The following KDM5A variants were observed in gnomAD, a reference collection of about 807,000 sequenced individuals.
The protein encoded by KDM5A is lysine demethylase 5A.
In KDM5A, 42 loss-of-function variants were observed where a neutral mutation model predicts 193.5. The observed-to-expected ratio is 0.22, with a 90% CI of 0.17 to 0.28. The LOEUF is 0.28. KDM5A is among the 10% of genes least tolerant of loss of function. The pLI is 1.00. For missense variants in KDM5A, 1,692 were observed against 2,055.1 expected, an observed-to-expected ratio of 0.82 and a Z score of 3.42; for synonymous variants, 796 against 718.1, an observed-to-expected ratio of 1.11 and a Z score of -1.73.
rs191291303 is a variant in KDM5A, at chr12:357,269, G to C, written c.673-732C>G. On this transcript the variant is annotated intron_variant, in intron 5 of 27. Transcript: ENST00000399788. ...TCCACCCTGGGTGACAGACAAGCGA[G>C]ACCCTGAATCAATCCATCAATGGGA... Among the ~76,000 whole-genome samples, 638 of 150,686 alleles carry C rather than the reference G, an allele frequency of 4.2e-3. 1 individual carries two copies. Among genetic ancestry groups the C allele is most frequent in the Non-Finnish European group, 6.0e-3 (407 of 67,760 alleles).
rs371555216 is a variant in KDM5A, at chr12:299,411, G to T, written c.4075-2211C>A. On this transcript the variant is annotated intron_variant, in intron 24 of 27. Coordinates refer to ENST00000399788, the MANE Select transcript of KDM5A (RefSeq NM_001042603.3). ...CAATATTCAACATTCTTAAAGAAAA[G>T]AATTTTCAACTCAGAATTTCATATC... Among the ~76,000 whole-genome samples the T allele has an allele frequency of 8.1e-4, 124 of 152,252 alleles. 3 individuals are homozygous for T. In the South Asian group the frequency reaches 0.024, roughly 30 times the overall value.
intron 10 of KDM5A, among the ~76,000 whole-genome samples, chr12:334,642 C>A (rs567637626): frequency 1.2e-4 from 19 of 152,212 alleles, no homozygotes; most frequent in Admixed American, 2.6e-4. Context: ...ATTTCAGATA[C>A]CTCTGGTTTA....
chr12:371,411 C>A (rs1448933912), intron 3 of KDM5A, among the ~76,000 whole-genome samples: 1 of 152,182 alleles, frequency 6.6e-6, no homozygotes, highest in African/African-American at 2.4e-5. Flanking sequence ...TAGATGTCTG[C>A]TTTTGAGAAG....
intron 10 of KDM5A, among the ~76,000 whole-genome samples, chr12:345,444 C>G (rs1041151497): frequency 6.6e-6 from 1 of 152,168 alleles, no homozygotes; most frequent in Non-Finnish European, 1.5e-5. Flanking sequence ...GAACTCTCCA[C>G]CCCAAAGCAA....
rs749436300 is a variant in KDM5A, at chr12:323,728, C to A, written c.2022G>T (p.Arg674=). 1.7e-5 allele frequency: 27 copies of A among 1,613,944 alleles called. No homozygotes were observed. In the Admixed American group the frequency reaches 4.3e-4, roughly 26 times the overall value. ...EVFELVPDDE[R]QCSACRTTCF... ...ATGTGGTTCTGCATGCTGAACACTG[C>A]CGCTCATCATCAGGAACAAGTTCAA... The change falls in exon 15 of 28, where the codon CGG becomes CGT. Residue 674 remains arginine, a synonymous_variant. Coordinates refer to ENST00000399788, the MANE Select transcript of KDM5A (RefSeq NM_001042603.3).
intron 10 of KDM5A, among the ~76,000 whole-genome samples, chr12:346,785 T>C (rs1944082706): frequency 6.6e-6 from 1 of 152,162 alleles, no homozygotes; most frequent in South Asian, 2.1e-4. Flanking sequence ...AAGAGCTATT[T>C]ATGACAAACC....
intron 22 of KDM5A, among the ~76,000 whole-genome samples, chr12:309,448 G>A (rs1294456223): frequency 1.3e-5 from 2 of 152,116 alleles, no homozygotes; most frequent in Non-Finnish European, 1.5e-5. Context: ...TAGTAAAAGT[G>A]GGTTCATTAT....
rs1943158627 is a variant in KDM5A at position 281,962 on chromosome 12, A to T, written c.*3494T>A. The stretch of plus-strand genomic sequence containing the variant: ...GCAGAAGCAAAGCCCAGGCAGAACC[A>T]TGCTAACCTTACAGCTCAGCCTGCA... On this transcript the variant is annotated 3_prime_UTR_variant, in exon 28 of 28. Transcript: ENST00000399788. 1 of 275,376 alleles carries T rather than the reference A, an allele frequency of 3.6e-6. No individual in the cohort carries two copies. 17.1% of individuals were successfully genotyped at this position (275,376 alleles called of 1,614,324 possible).
chr12:322,331 AC>A, intron 17 of KDM5A, 85 bp downstream of exon 17: 1 of 1,237,814 alleles, frequency 8.1e-7, no homozygotes, highest in East Asian at 2.4e-5. Flanking sequence ...AAGATAATGT[AC>A]GGCTTCACAG....
intron 27 of KDM5A, among the ~76,000 whole-genome samples, chr12:291,731 T>C (rs954534440): frequency 6.6e-6 from 1 of 152,180 alleles, no homozygotes; most frequent in African/African-American, 2.4e-5. Context: ...GATTTATCAA[T>C]ATTCTTGATA....
At chr12:306,607 G>C (rs989423713) in intron 24 of KDM5A, among the ~76,000 whole-genome samples, 3 of 152,004 alleles carry the variant, frequency 2.0e-5, no homozygotes, top group Admixed American at 6.6e-5. Flanking sequence ...GCCAGGCAGA[G>C]TGGCATGCAC....
chr12:388,456 GTTC>G, intron 1 of KDM5A: 1 of 389,134 alleles, frequency 2.6e-6, no homozygotes, highest in Non-Finnish European at 5.1e-6. Flanking sequence ...TTAGTCTGGA[GTTC>G]TTGTCTAGTA....
At chr12:381,692 TAA>T (rs934934028) in intron 3 of KDM5A, among the ~76,000 whole-genome samples, 15 of 152,162 alleles carry the variant, frequency 9.9e-5, no homozygotes, top group African/African-American at 2.9e-4. Flanking sequence ...CCTGACTGAT[TAA>T]AAAAAGTCTC....
At chr12:297,298 A>G in intron 24 of KDM5A, 98 bp from the exon 25 acceptor site, 2 of 935,936 alleles carry the variant, frequency 2.1e-6, no homozygotes, top group Non-Finnish European at 3.4e-6. Flanking sequence ...AGCTTCTAAT[A>G]TACTAAAAAT....
intron 3 of KDM5A, among the ~76,000 whole-genome samples, chr12:383,691 T>A (rs1944604576): frequency 6.6e-6 from 1 of 152,116 alleles, no homozygotes; most frequent in East Asian, 1.9e-4. Context: ...AAATATAAAA[T>A]AAGTTTTAAA....
chr12:332,083 T>C lies in KDM5A; in HGVS notation c.1654-145A>G, dbSNP rs771136038. The C allele has an allele frequency of 6.7e-6, 5 of 743,186 alleles. No homozygotes were observed. The Admixed American group carries it at 9.3e-5, about 14-fold the overall frequency. 46.0% of individuals were successfully genotyped at this position (743,186 alleles called of 1,614,324 possible). A position where few individuals can be genotyped will look rare whatever the true frequency, so the allele number is the denominator to read the frequency against. Reference sequence around the variant, plus strand: ...AAGTTACACATATCAGAAAATGATATCAGAAATAGCCAGAATTCTACCTTC... The same window carrying C: ...AAGTTACACATATCAGAAAATGATACCAGAAATAGCCAGAATTCTACCTTC... On this transcript the variant is annotated intron_variant, in intron 12 of 27. Coordinates refer to ENST00000399788, the MANE Select transcript of KDM5A (RefSeq NM_001042603.3).
Position 307,207 on chromosome 12 carries a change from C to A in KDM5A, c.3931-118G>T. 1 of 1,219,974 alleles carries A rather than the reference C, an allele frequency of 8.2e-7. No individual in the cohort carries two copies. Among genetic ancestry groups the A allele is most frequent in the Non-Finnish European group, 1.2e-6 (1 of 840,180 alleles). The allele number at this position is 1,219,974 out of a possible 1,614,324, so 75.6% of individuals were successfully genotyped here. On this transcript the variant is annotated intron_variant, in intron 23 of 27. Transcript: ENST00000399788. This position sits in a 1 kb window ranked among gnomAD's most constrained non-coding sequence, Gnocchi z 4.3. ...AAGCAAAGTGGCTAACAGAGTTCTT[C>A]AACAGTTAGTAGAAATCAAATTATT...
rs150989322 is a variant in KDM5A, at chr12:330,906, AAAGT to A, written c.1773+909_1773+912del. On this transcript the variant is annotated intron_variant, in intron 13 of 27. Coordinates refer to ENST00000399788, the MANE Select transcript of KDM5A (RefSeq NM_001042603.3). ...AAAAACAGCACCAATACAAGAAAAT[AAAGT>A]CAGTGTGTATCATAAATATACTGTA... Among the ~76,000 whole-genome samples, 1,076 of 152,312 alleles carry A rather than the reference AAAGT, an allele frequency of 7.1e-3. 16 individuals are homozygous for A. Among genetic ancestry groups the A allele is most frequent in the African/African-American group, 0.025 (1,048 of 41,562 alleles).
At chr12:365,880 T>C (rs1186017045) in intron 4 of KDM5A, 54 bp downstream of exon 4, 5 of 1,574,238 alleles carry the variant, frequency 3.2e-6, no homozygotes, top group Non-Finnish European at 4.4e-6. Flanking sequence ...CTAAAGTTTG[T>C]ACTTGGGCAA....
Sources: allele counts gnomAD v4.1 joint callset (sites outside exome capture counted in the v4.1 genomes callset), GRCh38; gene constraint gnomAD v4.1.1; non-coding constraint Gnocchi (gnomAD v3.1); transcripts MANE v1.5; gene names NCBI Gene and HGNC (gene_info 2026-07-23, HGNC 2026-07-21).